Variants in PRKCA observed in about 807,000 individuals in gnomAD.
PRKCA encodes the protein protein kinase C alpha, also known as protein kinase C alpha type.
In PRKCA, 27 loss-of-function variants were observed where a neutral mutation model predicts 87.0. The ratio of observed to expected loss-of-function variants is 0.31; its 90% confidence interval spans 0.23 to 0.43. The LOEUF (loss-of-function observed/expected upper bound fraction) is 0.43, where lower values mean the gene tolerates loss of function less well. Among genes scored for constraint, PRKCA ranks in the 20% least tolerant of loss-of-function variants. The probability of loss-of-function intolerance (pLI) is 1.00; values close to 1 mark genes in which losing one functional copy is unlikely to be tolerated. For missense variants in PRKCA, 518 were observed against 852.3 expected (o/e 0.61, Z 4.88); for synonymous variants, 329 against 311.1 (o/e 1.06, Z -0.61).
intron 2 of PRKCA, among the ~76,000 whole-genome samples, chr17:66,343,665 C>G (rs757174011): frequency 2.2e-4 from 34 of 151,980 alleles, no homozygotes; most frequent in Admixed American, 4.6e-4. Flanking sequence ...ACTTAAGAGG[C>G]TGTACTTGAA....
chr17:66,561,468 G>A (rs1207118400), intron 3 of PRKCA, among the ~76,000 whole-genome samples: 1 of 152,128 alleles, frequency 6.6e-6, no homozygotes, highest in African/African-American at 2.4e-5. Context: ...GAATCCTTTT[G>A]GCTTTATGTT....
chr17:66,782,924 G>A (rs1300312857), intron 14 of PRKCA, among the ~76,000 whole-genome samples: 1 of 152,226 alleles, frequency 6.6e-6, no homozygotes, highest in Admixed American at 6.5e-5. Context: ...AGTGAGCAGT[G>A]CCACCCAAGC....
At chr17:66,798,198 C>T (rs933096650) in intron 16 of PRKCA, among the ~76,000 whole-genome samples, 3 of 152,322 alleles carry the variant, frequency 2.0e-5, no homozygotes, top group South Asian at 2.1e-4. Flanking sequence ...GCTCCCTGCT[C>T]AGCTCCAAGA....
In PRKCA at chr17:66,805,259, T is replaced by C; in HGVS notation, c.*1222T>C. 1 of 564,200 alleles carries C rather than the reference T, an allele frequency of 1.8e-6. No individual in the cohort carries two copies. The highest frequency in any genetic ancestry group is 2.2e-6 in the Non-Finnish European group (1 of 445,426). The allele number at this position is 564,200 out of a possible 1,614,324, so 34.9% of individuals were successfully genotyped here. On this transcript the variant is annotated 3_prime_UTR_variant, in exon 17 of 17. Coordinates refer to ENST00000413366, the MANE Select transcript of PRKCA (RefSeq NM_002737.3). ...GTTAATAGAAGGATTTTAATACGTT[T>C]TGCAAATGCATCATGCAATGAATTT...
chr17:66,648,901 T>G (rs1273040013), intron 5 of PRKCA, among the ~76,000 whole-genome samples: 1 of 152,028 alleles, frequency 6.6e-6, no homozygotes, highest in Non-Finnish European at 1.5e-5. Flanking sequence ...GAGACCAGCC[T>G]GGCCAACATG....
At chr17:66,376,333 C>A (rs1007410308) in intron 2 of PRKCA, among the ~76,000 whole-genome samples, 2 of 152,124 alleles carry the variant, frequency 1.3e-5, no homozygotes, top group East Asian at 1.9e-4. Flanking sequence ...TCTGGCCTGG[C>A]GCGGTGGCTC....
intron 2 of PRKCA, among the ~76,000 whole-genome samples, chr17:66,412,360 T>C (rs1295919825): frequency 2.6e-5 from 4 of 152,174 alleles, no homozygotes; most frequent in Admixed American, 2.6e-4. Context: ...CCTGGCCTAT[T>C]TTTAAAATTT....
intron 3 of PRKCA, among the ~76,000 whole-genome samples, chr17:66,510,112 C>T (rs1488272243): frequency 2.0e-5 from 3 of 152,120 alleles, no homozygotes; most frequent in Non-Finnish European, 4.4e-5. Context: ...AGGGGCTTTA[C>T]TGGCCCAACA....
chr17:66,450,315 C>T (rs966076134), intron 2 of PRKCA, among the ~76,000 whole-genome samples: 2 of 152,130 alleles, frequency 1.3e-5, no homozygotes, highest in African/African-American at 4.8e-5. Flanking sequence ...AGACACAGTC[C>T]CTCTTAGTCA....
chr17:66,786,345 G>A (rs1447097465), intron 14 of PRKCA, among the ~76,000 whole-genome samples: 2 of 152,156 alleles, frequency 1.3e-5, no homozygotes, highest in Non-Finnish European at 2.9e-5. Flanking sequence ...CTGCTGCTGT[G>A]CAGCTGGAAG....
At chr17:66,441,798 T>C (rs1289337756) in intron 2 of PRKCA, among the ~76,000 whole-genome samples, 4 of 152,178 alleles carry the variant, frequency 2.6e-5, no homozygotes, top group Non-Finnish European at 5.9e-5. Flanking sequence ...TTTTTCCTCT[T>C]AGACCTTCTG....
At chr17:66,373,556 A>T (rs1909235228) in intron 2 of PRKCA, among the ~76,000 whole-genome samples, 2 of 152,146 alleles carry the variant, frequency 1.3e-5, no homozygotes, top group African/African-American at 4.8e-5. Context: ...GATTTGATTA[A>T]TTTTTCTTTC....
chr17:66,414,939 T>C (rs1912048113), intron 2 of PRKCA: 1 of 151,832 alleles, frequency 6.6e-6, no homozygotes, highest in African/African-American at 2.4e-5. Flanking sequence ...TGCCTATAAA[T>C]AGACCAGAAT....
intron 2 of PRKCA, among the ~76,000 whole-genome samples, chr17:66,490,534 C>T (rs1335001578): frequency 1.3e-5 from 2 of 151,812 alleles, no homozygotes; most frequent in Non-Finnish European, 1.5e-5. Context: ...TTAGTAGAGA[C>T]GGGGTTTCAC....
intron 2 of PRKCA, among the ~76,000 whole-genome samples, chr17:66,470,357 C>G (rs892813716): frequency 8.1e-6 from 1 of 124,218 alleles, no homozygotes; most frequent in African/African-American, 3.2e-5. Context: ...TCTCACGTAG[C>G]TGGGATTACA....
intron 13 of PRKCA, among the ~76,000 whole-genome samples, chr17:66,743,350 G>A (rs1193882534): frequency 6.6e-6 from 1 of 152,176 alleles, no homozygotes; most frequent in East Asian, 1.9e-4. Context: ...ACTGTTGAGT[G>A]GAGGGAATTA....
intron 2 of PRKCA, among the ~76,000 whole-genome samples, chr17:66,351,591 T>C (rs937384757): frequency 2.0e-5 from 3 of 152,246 alleles, no homozygotes; most frequent in African/African-American, 7.2e-5. Flanking sequence ...AAATACATTT[T>C]AGTATGTGCT....
At chr17:66,754,949 C>T (rs1453563184) in intron 13 of PRKCA, among the ~76,000 whole-genome samples, 1 of 152,126 alleles carries the variant, frequency 6.6e-6, no homozygotes, top group Non-Finnish European at 1.5e-5. Flanking sequence ...ACAGAACAGT[C>T]ACACTGGGGG....
intron 8 of PRKCA, among the ~76,000 whole-genome samples, chr17:66,690,470 A>C (rs1299544701): frequency 2.0e-5 from 3 of 152,196 alleles, no homozygotes; most frequent in African/African-American, 4.8e-5. Context: ...CTTCCAGAGA[A>C]GCCAGAAATC....
Sources: gnomAD v4.1 joint callset for allele counts (sites outside exome capture counted in the v4.1 genomes callset) on GRCh38, gnomAD v4.1.1 for gene constraint, MANE v1.5 for transcripts, NCBI Gene and HGNC (gene_info 2026-07-23, HGNC 2026-07-21) for gene names.